PLAAT5: variants seen among roughly 807,000 people sequenced by gnomAD.
PLAAT5 encodes phospholipase A and acyltransferase 5.
A neutral mutation model predicts 27.8 loss-of-function variants in PLAAT5; 27 were observed. That is an observed-to-expected ratio of 0.97 (90% CI 0.72 to 1.34). The LOEUF (loss-of-function observed/expected upper bound fraction) is 1.34. Ranked by LOEUF, PLAAT5 falls within the 40% of genes most tolerant of loss-of-function variation. PLAAT5 has a pLI of 0.00. For synonymous variants in PLAAT5, 125 were observed against 136.1 expected (o/e 0.92, Z 0.57); for missense variants, 368 against 343.8 (o/e 1.07, Z -0.56).
At chr11:63,486,050 G>C (rs2016425880) in intron 3 of PLAAT5, among the ~76,000 whole-genome samples, 2 of 152,150 alleles carry the variant, frequency 1.3e-5, no homozygotes. Context: ...CTAATTATCA[G>C]AGAAATGCAA....
chr11:63,467,100 C>A (rs554007268), intron 4 of PLAAT5, among the ~76,000 whole-genome samples: 1 of 152,156 alleles, frequency 6.6e-6, no homozygotes, highest in African/African-American at 2.4e-5. Flanking sequence ...TGTTGATATG[C>A]GAATGTGTAT....
Position 63,468,409 on chromosome 11 carries a change from C to T in PLAAT5, c.402G>A (p.Glu134=), listed in dbSNP as rs769973844. 2 of 1,614,170 alleles carry T rather than the reference C, an allele frequency of 1.2e-6. No individual in the cohort carries two copies. Among genetic ancestry groups the T allele is most frequent in the East Asian group, 2.2e-5 (1 of 44,886 alleles). Residue 134 remains glutamate (E), a synonymous_variant, in exon 4 of 6, where the codon GAG becomes GAA. Transcript: ENST00000540857. ...CATCTTCTACATAGATGGCCCAGTGCTCATAGCCAATTCGAAAAATCTCAA... is the reference window on the plus strand; with the variant it reads ...CATCTTCTACATAGATGGCCCAGTGTTCATAGCCAATTCGAAAAATCTCAA... The part of the protein sequence containing the change: ...DLIEIFRIGY[E]HWAIYVEDDC...
chr11:63,465,601 G>C (rs987162432), intron 5 of PLAAT5, among the ~76,000 whole-genome samples: 1 of 151,904 alleles, frequency 6.6e-6, no homozygotes, highest in African/African-American at 2.4e-5. Context: ...GACCAGCCTG[G>C]GCAACATAGC....
chr11:63,489,865 G>A (rs1344881572), intron 2 of PLAAT5, among the ~76,000 whole-genome samples: 2 of 152,164 alleles, frequency 1.3e-5, no homozygotes, highest in East Asian at 1.9e-4. Flanking sequence ...TCAGCCCCTC[G>A]GAATTTTTTA....
intron 3 of PLAAT5, among the ~76,000 whole-genome samples, chr11:63,483,123 C>T (rs1343563510): frequency 6.6e-6 from 1 of 152,040 alleles, no homozygotes; most frequent in African/African-American, 2.4e-5. Flanking sequence ...ATTACTACAC[C>T]TAAGAAATGA....
At chr11:63,478,487 G>A (rs2016206280) in intron 3 of PLAAT5, among the ~76,000 whole-genome samples, 1 of 152,018 alleles carries the variant, frequency 6.6e-6, no homozygotes, top group Non-Finnish European at 1.5e-5. Flanking sequence ...ACGCCCTGCT[G>A]ATTTTTTGTA....
chr11:63,466,594 T>C (rs1350461407), intron 4 of PLAAT5, among the ~76,000 whole-genome samples: 2 of 151,676 alleles, frequency 1.3e-5, no homozygotes, highest in Non-Finnish European at 2.9e-5. Context: ...CGCACAGGAG[T>C]CTCTTTCTCA....
chr11:63,469,860 G>A (rs2015974049), intron 3 of PLAAT5: 1 of 152,542 alleles, frequency 6.6e-6, no homozygotes, highest in Non-Finnish European at 1.5e-5. Context: ...GCCAAGGTGA[G>A]TGGATCACCT....
rs1008929630 is a variant in PLAAT5, at chr11:63,490,654, A to G, written c.148+233T>C. On this transcript the variant is annotated intron_variant, in intron 1 of 5. Coordinates refer to ENST00000540857, the MANE Select transcript of PLAAT5 (RefSeq NM_001146729.2). ...AGCCGGTCTTAACACCACCCTCCGG[A>G]GCTGCCACCACTGCCTCACTTCCAT... 12 of 609,044 alleles carry G rather than the reference A, an allele frequency of 2.0e-5. No individual in the cohort carries two copies. The African/African-American group carries it at 2.0e-4, about 10-fold the overall frequency. The allele number at this position is 609,044 out of a possible 1,614,324, so 37.7% of individuals were successfully genotyped here. A position where few individuals can be genotyped will look rare whatever the true frequency, so the allele number is the denominator to read the frequency against.
chr11:63,470,639 G>A (rs1312889698), intron 3 of PLAAT5: 2 of 153,278 alleles, frequency 1.3e-5, no homozygotes, highest in Admixed American at 1.3e-4. Context: ...CTGTATGTAA[G>A]ATAATTCATA....
At chr11:63,479,918 G>A (rs2016243814) in intron 3 of PLAAT5, among the ~76,000 whole-genome samples, 1 of 152,178 alleles carries the variant, frequency 6.6e-6, no homozygotes, top group Non-Finnish European at 1.5e-5. Context: ...CACTCCAGAG[G>A]GAAAGCCACT....
At chr11:63,466,396 G>A (rs767570623) in intron 4 of PLAAT5, 24 bp from the exon 5 acceptor site, 2 of 1,611,426 alleles carry the variant, frequency 1.2e-6, no homozygotes, top group Non-Finnish European at 1.7e-6. Flanking sequence ...ACAAACAAAG[G>A]TTGGGAAATA....
intron 4 of PLAAT5, 130 bp downstream of exon 4, chr11:63,468,227 A>G: frequency 1.4e-6 from 1 of 702,160 alleles, no homozygotes; most frequent in Non-Finnish European, 2.5e-6. Flanking sequence ...CAGTAAGCAA[A>G]GGTCCAGTCA....
rs532180027 is a variant in PLAAT5, at chr11:63,486,318, A to C, written c.345+2553T>G. On this transcript the variant is annotated intron_variant, in intron 3 of 5. Coordinates refer to ENST00000540857, the MANE Select transcript of PLAAT5 (RefSeq NM_001146729.2). ...AGGAAAAGAAGTCATTGTATGAAAA[A>C]GGCACTTGCACATGCATGTTTATAG... Among the ~76,000 whole-genome samples the C allele has an allele frequency of 1.3e-4, 20 of 152,322 alleles. No individual in the cohort carries two copies. The South Asian group carries it at 4.1e-3, about 32-fold the overall frequency.
rs928496184 is a variant in PLAAT5, at chr11:63,490,813, C to T, written c.148+74G>A. On this transcript the variant is annotated intron_variant, in intron 1 of 5. Coordinates refer to ENST00000540857, the MANE Select transcript of PLAAT5 (RefSeq NM_001146729.2). The stretch of plus-strand genomic sequence containing the variant: ...TCGCCAAATGTCTTAAGAAAAGGAG[C>T]TTTGAGGGTAACCGCCCGCTGGGAC... 5 of 1,365,270 alleles carry T rather than the reference C, an allele frequency of 3.7e-6. No homozygotes were observed. In the African/African-American group the frequency reaches 4.4e-5, roughly 12 times the overall value. 84.6% of individuals were successfully genotyped at this position (1,365,270 alleles called of 1,614,324 possible).
chr11:63,480,656 G>T (rs1275675062), intron 3 of PLAAT5, among the ~76,000 whole-genome samples: 1 of 152,128 alleles, frequency 6.6e-6, no homozygotes, highest in African/African-American at 2.4e-5. Context: ...GTATAGCCTG[G>T]GTGCCAGAGT....
At chr11:63,484,446 T>C (rs963653889) in intron 3 of PLAAT5, among the ~76,000 whole-genome samples, 1 of 152,160 alleles carries the variant, frequency 6.6e-6, no homozygotes, top group Non-Finnish European at 1.5e-5. Context: ...TAATCCACCA[T>C]GATCAAGTGG....
Position 63,463,477 on chromosome 11 carries a change from T to TTTTG in PLAAT5, c.*25_*26insCAAA, listed in dbSNP as rs2120194480. On this transcript the variant is annotated 3_prime_UTR_variant, in exon 6 of 6. Coordinates refer to ENST00000540857, the MANE Select transcript of PLAAT5 (RefSeq NM_001146729.2). ...TCTTTTTGCTTGTGTCAGTAACTCTTCCTCTAGCTGGAGTTTTCATCACCT... is the reference window on the plus strand; with the variant it reads ...TCTTTTTGCTTGTGTCAGTAACTCTTTTTGCCTCTAGCTGGAGTTTTCATCACCT... 6.4e-7 allele frequency: 1 copy of TTTTG among 1,556,234 alleles called. No individual in the cohort carries two copies. The highest frequency in any genetic ancestry group is 8.9e-7 in the Non-Finnish European group (1 of 1,128,616).
At chr11:63,490,626 C>T in intron 1 of PLAAT5, 1 of 608,032 alleles carries the variant, frequency 1.6e-6, no homozygotes, top group East Asian at 2.8e-5. Context: ...TCTGCCGAGC[C>T]AGAGCCGGTC....
Sources: allele counts gnomAD v4.1 joint callset (sites outside exome capture counted in the v4.1 genomes callset), GRCh38; gene constraint gnomAD v4.1.1; transcripts MANE v1.5; gene names NCBI Gene and HGNC (gene_info 2026-07-23, HGNC 2026-07-21).